Variants in FAM170B observed in about 807,000 individuals in gnomAD.
FAM170B encodes protein FAM170B.
In FAM170B, 4 loss-of-function variants were observed where a neutral mutation model predicts 3.9. That is an observed-to-expected ratio of 1.01 (90% CI 0.50 to 2.32). The LOEUF (loss-of-function observed/expected upper bound fraction) is 2.32, where lower values mean the gene tolerates loss of function less well. FAM170B is among the 30% of genes most tolerant of loss of function. The pLI, the probability that FAM170B is intolerant of heterozygous loss-of-function variation, is 0.02. For missense variants in FAM170B, 417 were observed against 368.6 expected (o/e 1.13, Z -1.07); for synonymous variants, 163 against 149.8 (o/e 1.09, Z -0.64).
chr10:49,131,802 C>T lies in FAM170B; in HGVS notation c.663G>A (p.Glu221=). 6.5e-7 allele frequency: 1 copy of T among 1,549,778 alleles called. No individual in the cohort carries two copies. Among genetic ancestry groups the T allele is most frequent in the Non-Finnish European group, 8.7e-7 (1 of 1,146,994 alleles). ...CCTCCCGGATGCCATGCTGGGCGTG[C>T]TCCAGCAGAGCGTCCAGGGAGGGCA... The part of the protein sequence containing the change: ...RVLPSLDALL[E]HAQHGIREGF... Residue 221 remains glutamate (E), a synonymous_variant, in exon 2 of 2, where the codon GAG becomes GAA. Coordinates refer to ENST00000311787, the MANE Select transcript of FAM170B (RefSeq NM_001164484.2).
chr10:49,133,934 C>T lies in FAM170B; in HGVS notation c.-16G>A, dbSNP rs771263529. The T allele has an allele frequency of 3.9e-6, 6 of 1,541,216 alleles. No homozygotes were observed. The highest frequency in any genetic ancestry group is 3.6e-5 in the South Asian group (3 of 83,868). The stretch of plus-strand genomic sequence containing the variant: ...AGCATTTCATGATTTGAAATGAGTG[C>T]CCAGGGTGTCGGTGCTCCAGCTGTT... On this transcript the variant is annotated 5_prime_UTR_variant, in exon 1 of 2. Transcript: ENST00000311787.
In FAM170B at chr10:49,131,869, G is replaced by C. The variant is rs778926356; in HGVS notation, c.596C>G (p.Thr199Ser). 3.2e-6 allele frequency: 5 copies of C among 1,546,310 alleles called. No individual in the cohort carries two copies. The highest frequency in any genetic ancestry group is 3.5e-6 in the Non-Finnish European group (4 of 1,146,870). The change falls in exon 2 of 2, where the codon ACC (threonine) becomes AGC (serine). Residue 199 changes from threonine to serine, a missense_variant. By Grantham distance (58) the Thr-to-Ser change is moderately conservative. Transcript: ENST00000311787. ...ELREPPDWLV[T>S]TNYGVRCVAC... ...CACGCAGCGCACCCCGTAGTTGGTG[G>C]TGACCAGCCAGTCCGGCGGCTCCCG...
chr10:49,133,030 T>G (rs1184820486), intron 1 of FAM170B, among the ~76,000 whole-genome samples: 1 of 152,204 alleles, frequency 6.6e-6, no homozygotes, highest in African/African-American at 2.4e-5. Context: ...TTATCATGAC[T>G]GTGTTGGTGG....
rs1845198661 is a variant in FAM170B, at chr10:49,132,291, G to A, written c.174C>T (p.Gly58=). The change falls in exon 2 of 2, where the codon GGC becomes GGT. Residue 58 remains glycine (G), a synonymous_variant. Coordinates refer to ENST00000311787, the MANE Select transcript of FAM170B (RefSeq NM_001164484.2). ...RPGPAIPREE[G]LYFAARDRGM... ...CCCGGTCCCTGGCAGCGAAGTAGAG[G>A]CCCTCCTCCCGGGGAATGGCAGGCC... is the stretch of plus-strand genomic sequence containing the variant. 3 of 1,551,292 alleles carry A rather than the reference G, an allele frequency of 1.9e-6. No homozygotes were observed. Among genetic ancestry groups the A allele is most frequent in the Non-Finnish European group, 2.6e-6 (3 of 1,146,962 alleles).
Position 49,131,835 on chromosome 10 carries a change from G to A in FAM170B, c.630C>T (p.Cys210=). Residue 210 remains cysteine, a synonymous_variant, in exon 2 of 2, where the codon TGC becomes TGT. Transcript: ENST00000311787. Reference sequence around the variant, plus strand: ...GAGCGTCCAGGGAGGGCAAGACCCTGCAGCAGGCCACGCAGCGCACCCCGT... The same window carrying A: ...GAGCGTCCAGGGAGGGCAAGACCCTACAGCAGGCCACGCAGCGCACCCCGT... ...TNYGVRCVAC[C]RVLPSLDALL... 1.3e-6 allele frequency: 2 copies of A among 1,547,430 alleles called. No homozygotes were observed. The highest frequency in any genetic ancestry group is 1.7e-6 in the Non-Finnish European group (2 of 1,146,930).
chr10:49,132,611 G>GTTA (rs1845202476), intron 1 of FAM170B, among the ~76,000 whole-genome samples: 1 of 152,096 alleles, frequency 6.6e-6, no homozygotes, highest in Non-Finnish European at 1.5e-5. Context: ...GAATAACAGA[G>GTTA]TTATATACAC....
rs556838802 is a variant in FAM170B, at chr10:49,131,636, C to T, written c.829G>A (p.Ala277Thr). 531 of 1,551,662 alleles carry T rather than the reference C, an allele frequency of 3.4e-4. 12 individuals are homozygous for T. In the South Asian group the frequency reaches 5.9e-3, roughly 17 times the overall value. Reference protein sequence around the residue: ...CSRPQGEVLSAQQQEKQ With the variant: ...CSRPQGEVLSTQQQEKQ Reference sequence around the variant, plus strand: ...GCTCACTGCTTCTCCTGCTGCTGTGCTGAGAGCACCTCACCCTGGGGCCGG... The same window carrying T: ...GCTCACTGCTTCTCCTGCTGCTGTGTTGAGAGCACCTCACCCTGGGGCCGG... Residue 277 changes from alanine (A) to threonine (T), a missense_variant, in exon 2 of 2, where the codon GCA (alanine) becomes ACA (threonine). By Grantham distance (58) the Ala-to-Thr change is moderately conservative. Coordinates refer to ENST00000311787, the MANE Select transcript of FAM170B (RefSeq NM_001164484.2).
Position 49,132,411 on chromosome 10 carries a change from C to A in FAM170B, c.113-59G>T, listed in dbSNP as rs1042806436. 8 of 1,454,082 alleles carry A rather than the reference C, an allele frequency of 5.5e-6. No homozygotes were observed. The South Asian group carries it at 8.5e-5, about 15-fold the overall frequency. 90.1% of individuals were successfully genotyped at this position (1,454,082 alleles called of 1,614,324 possible). ...TTTAAGGGATCAATGCCACATCTAC[C>A]TTCAGGAGCCGCAGACTCTGAAAGG... On this transcript the variant is annotated intron_variant, in intron 1 of 1. Coordinates refer to ENST00000311787, the MANE Select transcript of FAM170B (RefSeq NM_001164484.2).
In FAM170B at chr10:49,131,717, C is replaced by T. The variant is rs891467319; in HGVS notation, c.748G>A (p.Ala250Thr). 6.4e-7 allele frequency: 1 copy of T among 1,551,770 alleles called. No individual in the cohort carries two copies. The highest frequency in any genetic ancestry group is 2.4e-5 in the East Asian group (1 of 40,928). ...MLERRRAQGQ[A>T]HDQQLEEEQS... ...TCCTCCTCCAGCTGTTGGTCATGTG[C>T]TTGGCCCTGAGCCCGCCTTCTCTCC... The change falls in exon 2 of 2, where the codon GCA becomes ACA. Residue 250 changes from alanine (A) to threonine (T), a missense_variant. Coordinates refer to ENST00000311787, the MANE Select transcript of FAM170B (RefSeq NM_001164484.2).
chr10:49,133,856 G>T lies in FAM170B; in HGVS notation c.63C>A (p.Ser21Arg), dbSNP rs929117400. 1 of 1,551,732 alleles carries T rather than the reference G, an allele frequency of 6.4e-7. No homozygotes were observed. ...EQSPTDGTTL[S>R]LTSPESTEES... ...CCTCAGTGGACTCAGGGCTGGTCAAGCTGAGGGTGGTCCCATCGGTGGGTG... is the reference window on the plus strand; with the variant it reads ...CCTCAGTGGACTCAGGGCTGGTCAATCTGAGGGTGGTCCCATCGGTGGGTG... The change falls in exon 1 of 2, where the codon AGC becomes AGA. Residue 21 changes from serine (S) to arginine (R), a missense_variant. Physicochemically the swap from Ser to Arg is moderately radical, Grantham distance 110. Coordinates refer to ENST00000311787, the MANE Select transcript of FAM170B (RefSeq NM_001164484.2).
In FAM170B at chr10:49,131,493, T is replaced by A; in HGVS notation, c.*120A>T. ...CCCTCCTTGCTCTACACTCCATGCC[T>A]TTCCTTCCCCCTGACCCTGGTCCTC... On this transcript the variant is annotated 3_prime_UTR_variant, in exon 2 of 2. Transcript: ENST00000311787. The A allele has an allele frequency of 2.2e-6, 3 of 1,392,418 alleles. No individual in the cohort carries two copies. Among genetic ancestry groups the A allele is most frequent in the Non-Finnish European group, 2.8e-6 (3 of 1,056,632 alleles). The allele number at this position is 1,392,418 out of a possible 1,614,324, so 86.3% of individuals were successfully genotyped here. A position where few individuals can be genotyped will look rare whatever the true frequency, so the allele number is the denominator to read the frequency against.
At position 49,132,225 on chromosome 10, in the gene FAM170B, G is replaced by A. The variant is rs912971124; in HGVS notation, c.240C>T (p.Ser80=). The A allele has an allele frequency of 3.9e-6, 6 of 1,551,668 alleles. No homozygotes were observed. In the Admixed American group the frequency reaches 5.9e-5, roughly 15 times the overall value. Residue 80 remains serine, a synonymous_variant, in exon 2 of 2, where the codon TCC becomes TCT. Transcript: ENST00000311787. ...GGTACTGGGAGTAGGACTGGTACTC[G>A]GAGGACTCTGAGGATGGGGAGCTGC... The part of the protein sequence containing the change: ...DWSSSPSSES[S]EYQSYSQYQS...
chr10:49,133,769 A>G (rs1296028733), intron 1 of FAM170B, 38 bp downstream of exon 1: 1 of 1,525,806 alleles, frequency 6.6e-7, no homozygotes, highest in Non-Finnish European at 8.9e-7. Context: ...CCCAGGGAGC[A>G]CAGCTGGCTG....
Position 49,131,372 on chromosome 10 carries a change from C to T in FAM170B, c.*241G>A. On this transcript the variant is annotated 3_prime_UTR_variant, in exon 2 of 2. Transcript: ENST00000311787. ...GGGTTTCAGATGTTGTGCCTGCCAT[C>T]AGAAACACTCAAAGCCCTCTCGTTT... 2 of 485,202 alleles carry T rather than the reference C, an allele frequency of 4.1e-6. No individual in the cohort carries two copies. Among genetic ancestry groups the T allele is most frequent in the East Asian group, 3.3e-5 (1 of 30,716 alleles). 30.1% of individuals were successfully genotyped at this position (485,202 alleles called of 1,614,324 possible). A position where few individuals can be genotyped will look rare whatever the true frequency, so the allele number is the denominator to read the frequency against.
intron 1 of FAM170B, among the ~76,000 whole-genome samples, chr10:49,133,258 T>C (rs1250130659): frequency 3.3e-5 from 5 of 152,302 alleles, no homozygotes; most frequent in Middle Eastern, 3.4e-3. Flanking sequence ...ACTTACTGTG[T>C]CCCTCTTGCC....
Position 49,131,792 on chromosome 10 carries a change from G to T in FAM170B, c.673C>A (p.His225Asn). The T allele has an allele frequency of 6.5e-7, 1 of 1,550,274 alleles. No individual in the cohort carries two copies. Residue 225 changes from histidine (H) to asparagine (N), a missense_variant, in exon 2 of 2, where the codon CAT becomes AAT. Transcript: ENST00000311787. Reference protein sequence around the residue: ...SLDALLEHAQHGIREGFSCQI... With the variant: ...SLDALLEHAQNGIREGFSCQI... ...CAGCTGAAGCCCTCCCGGATGCCAT[G>T]CTGGGCGTGCTCCAGCAGAGCGTCC...
chr10:49,132,854 A>C (rs1361141106), intron 1 of FAM170B, among the ~76,000 whole-genome samples: 4 of 152,180 alleles, frequency 2.6e-5, no homozygotes, highest in Non-Finnish European at 5.9e-5. Context: ...ACAAAAAAAA[A>C]AAAGAGTCCA....
At position 49,131,766 on chromosome 10, in the gene FAM170B, A is replaced by G. The variant is rs759154687; in HGVS notation, c.699T>C (p.Cys233=). The G allele has an allele frequency of 6.4e-7, 1 of 1,551,448 alleles. No homozygotes were observed. The highest frequency in any genetic ancestry group is 8.7e-7 in the Non-Finnish European group (1 of 1,147,010). Residue 233 remains cysteine, a synonymous_variant, in exon 2 of 2, where the codon TGT becomes TGC. Transcript: ENST00000311787. ...AQHGIREGFS[C]QIFFEEMLER... ...CCAGCATCTCCTCAAAAAAGATCTG[A>G]CAGCTGAAGCCCTCCCGGATGCCAT...
Position 49,132,255 on chromosome 10 carries a change from G to A in FAM170B, c.210C>T (p.Asp70=). The change falls in exon 2 of 2, where the codon GAC becomes GAT. Residue 70 remains aspartate, a synonymous_variant. Transcript: ENST00000311787. ...ACTCTGAGGATGGGGAGCTGCTCCA[G>A]TCCCGCATCCCCCGGTCCCTGGCAG... ...YFAARDRGMR[D]WSSSPSSESS... 1.3e-6 allele frequency: 2 copies of A among 1,551,576 alleles called. No homozygotes were observed. Among genetic ancestry groups the A allele is most frequent in the Non-Finnish European group, 1.7e-6 (2 of 1,147,006 alleles).
Sources: allele counts gnomAD v4.1 joint callset (sites outside exome capture counted in the v4.1 genomes callset), GRCh38; gene constraint gnomAD v4.1.1; transcripts MANE v1.5; gene names NCBI Gene and HGNC (gene_info 2026-07-23, HGNC 2026-07-21).